The following UBR3 variants were observed in gnomAD, a reference collection of about 807,000 sequenced individuals.
The protein encoded by UBR3 is E3 ubiquitin-protein ligase UBR3.
Under a neutral mutation model 243.2 loss-of-function variants are expected in UBR3, and 85 were observed. That is an observed-to-expected ratio of 0.35 (90% confidence interval 0.29 to 0.42). UBR3 has a LOEUF of 0.42. UBR3 is among the 10% of genes least tolerant of loss of function. The probability of loss-of-function intolerance (pLI) is 1.00; values close to 1 mark genes in which losing one functional copy is unlikely to be tolerated. For missense variants in UBR3, 1,686 were observed against 2,300.8 expected (o/e 0.73, Z 5.47); for synonymous variants, 748 against 799.8 (o/e 0.94, Z 1.09).
intron 36 of UBR3, among the ~76,000 whole-genome samples, chr2:170,073,813 T>A (rs573030832): frequency 8.5e-5 from 13 of 152,156 alleles, no homozygotes; most frequent in Non-Finnish European, 1.6e-4. Flanking sequence ...AGTCAATACT[T>A]TTAGTTTGTT....
chr2:169,929,233 G>C (rs2086023365), intron 18 of UBR3, among the ~76,000 whole-genome samples: 2 of 152,098 alleles, frequency 1.3e-5, no homozygotes, highest in Admixed American at 6.6e-5. Context: ...TTTTGAAACA[G>C]CAAAAGAATC....
intron 6 of UBR3, among the ~76,000 whole-genome samples, chr2:169,893,039 A>G (rs143629228): frequency 1.7e-3 from 254 of 152,344 alleles, no homozygotes; most frequent in African/African-American, 5.8e-3. Context: ...AAGTCATGTC[A>G]AGATTTAAAG....
chr2:169,995,611 T>C (rs1287806571), intron 26 of UBR3, among the ~76,000 whole-genome samples: 1 of 152,228 alleles, frequency 6.6e-6, no homozygotes, highest in Non-Finnish European at 1.5e-5. Context: ...CTGTAGAAAC[T>C]TTTATTATGG....
At chr2:169,890,589 A>ATG (rs2084335103) in intron 5 of UBR3, among the ~76,000 whole-genome samples, 1 of 112,208 alleles carries the variant, frequency 8.9e-6, no homozygotes, top group African/African-American at 3.4e-5. Context: ...ATGTATATAT[A>ATG]TATGTATATA....
intron 31 of UBR3, among the ~76,000 whole-genome samples, chr2:170,038,254 G>T (rs149598030): frequency 1.1e-3 from 169 of 152,218 alleles, no homozygotes; most frequent in African/African-American, 3.9e-3. Context: ...GTGAAATTGG[G>T]CTAGCTTAAA....
intron 1 of UBR3, among the ~76,000 whole-genome samples, chr2:169,863,743 G>A (rs2083164005): frequency 6.6e-6 from 1 of 152,144 alleles, no homozygotes; most frequent in African/African-American, 2.4e-5. Flanking sequence ...TTGACTTACT[G>A]GTTCTACCTG....
At chr2:169,967,950 A>G (rs1419753621) in intron 24 of UBR3, among the ~76,000 whole-genome samples, 1 of 151,762 alleles carries the variant, frequency 6.6e-6, no homozygotes, top group Non-Finnish European at 1.5e-5. Flanking sequence ...GTAAGTGTAT[A>G]CCTTTCTTAG....
chr2:170,014,025 T>G, intron 29 of UBR3: 1 of 444,528 alleles, frequency 2.2e-6, no homozygotes, highest in South Asian at 1.7e-5. Flanking sequence ...GGGTGGAAAA[T>G]TCCCTTGTCA....
chr2:169,835,464 T>G (rs1225873833), intron 1 of UBR3, among the ~76,000 whole-genome samples: 1 of 152,208 alleles, frequency 6.6e-6, no homozygotes. Context: ...TGTTTTGATA[T>G]GGAGTCTCAC....
At chr2:169,833,859 C>G (rs10182986) in intron 1 of UBR3, among the ~76,000 whole-genome samples, 231 of 152,042 alleles carry the variant, frequency 1.5e-3, no homozygotes, top group African/African-American at 5.1e-3. Flanking sequence ...TCACAGCTCA[C>G]TGCAGCCTCT....
intron 24 of UBR3, among the ~76,000 whole-genome samples, chr2:169,961,100 A>G (rs1234945250): frequency 1.3e-5 from 2 of 152,072 alleles, no homozygotes; most frequent in South Asian, 2.1e-4. Context: ...TATTGTAGCA[A>G]GAACCAATGT....
At chr2:170,016,977 C>T (rs1214430946) in intron 30 of UBR3, 28 of 385,304 alleles carry the variant, frequency 7.3e-5, no homozygotes, top group Non-Finnish European at 1.1e-4. Context: ...ACTTATTTAT[C>T]CTAATATTAA....
intron 6 of UBR3, among the ~76,000 whole-genome samples, chr2:169,891,909 C>T (rs68192844): frequency 0.18 from 27,026 of 152,034 alleles, 2,664 homozygotes; most frequent in East Asian, 0.37. Context: ...AGAATACTTG[C>T]GATTAGTTGA....
intron 24 of UBR3, among the ~76,000 whole-genome samples, chr2:169,980,756 A>C: frequency 7.6e-6 from 1 of 132,072 alleles, no homozygotes. Flanking sequence ...TCCTAATGCT[A>C]TCCCTCCCCC....
chr2:170,055,340 C>T (rs1167794417), intron 32 of UBR3, 120 bp from the exon 33 acceptor site: 1 of 1,178,768 alleles, frequency 8.5e-7, no homozygotes, highest in Admixed American at 2.3e-5. Flanking sequence ...AACAAAAAAA[C>T]TATTAAGTGT....
intron 27 of UBR3, among the ~76,000 whole-genome samples, chr2:170,005,022 G>C (rs2089861030): frequency 6.6e-6 from 1 of 152,148 alleles, no homozygotes; most frequent in African/African-American, 2.4e-5. Context: ...AGGAGATCGA[G>C]ACCATCCTGG....
intron 31 of UBR3, 72 bp from the exon 32 acceptor site, chr2:170,040,810 A>T: frequency 6.2e-6 from 7 of 1,121,632 alleles, no homozygotes; most frequent in Non-Finnish European, 9.1e-6. Context: ...ATAGATATAT[A>T]TGTGACATAT....
At chr2:169,847,135 T>C (rs561884425) in intron 1 of UBR3, among the ~76,000 whole-genome samples, 2 of 151,360 alleles carry the variant, frequency 1.3e-5, no homozygotes, top group African/African-American at 4.9e-5. Context: ...GCGCTGGCAG[T>C]TGATCTTGTT....
At chr2:169,852,673 T>G (rs1347350446) in intron 1 of UBR3, among the ~76,000 whole-genome samples, 1 of 146,372 alleles carries the variant, frequency 6.8e-6, no homozygotes, top group African/African-American at 2.5e-5. Context: ...TGAAGCCCTG[T>G]CTCTACTAAA....
Sources: gnomAD v4.1 joint callset for allele counts (sites outside exome capture counted in the v4.1 genomes callset) on GRCh38, gnomAD v4.1.1 for gene constraint, MANE v1.5 for transcripts, NCBI Gene and HGNC (gene_info 2026-07-23, HGNC 2026-07-21) for gene names.